Variants in DLGAP2 observed in about 807,000 individuals in gnomAD.
DLGAP2 encodes DLG associated protein 2, also known as disks large-associated protein 2.
Under a neutral mutation model 100.3 loss-of-function variants are expected in DLGAP2, and 26 were observed. That is an observed-to-expected ratio of 0.26 (90% confidence interval 0.19 to 0.36). The LOEUF (loss-of-function observed/expected upper bound fraction) is 0.36, where lower values mean the gene tolerates loss of function less well. DLGAP2 is among the 10% of genes least tolerant of loss of function. The pLI, the probability that DLGAP2 is intolerant of heterozygous loss-of-function variation, is 1.00. For missense variants in DLGAP2, 1,858 were observed against 1,453.2 expected (o/e 1.28, Z -4.53); for synonymous variants, 886 against 630.1 (o/e 1.41, Z -6.08).
Position 1,579,085 on chromosome 8 carries a change from A to T in DLGAP2, c.1442+13191A>T, listed in dbSNP as rs147461178. ...AATAACTAATTCAATTCTGATTGTG[A>T]TGAAAGGTAGACCAAATAATTTCAT... On this transcript the variant is annotated intron_variant, in intron 6 of 14. Transcript: ENST00000637795. Among the ~76,000 whole-genome samples the T allele has an allele frequency of 5.8e-3, 881 of 152,352 alleles. 10 individuals are homozygous for T. Among genetic ancestry groups the T allele is most frequent in the African/African-American group, 0.02 (834 of 41,582 alleles).
At chr8:1,067,311 A>G (rs947092926) in intron 2 of DLGAP2, among the ~76,000 whole-genome samples, 1 of 152,196 alleles carries the variant, frequency 6.6e-6, no homozygotes, top group Non-Finnish European at 1.5e-5. Flanking sequence ...CTACCCTCCT[A>G]GCGCTTTTGC....
intron 3 of DLGAP2, among the ~76,000 whole-genome samples, chr8:1,386,141 G>T (rs2129788026): frequency 6.6e-6 from 1 of 152,342 alleles, no homozygotes; most frequent in Admixed American, 6.5e-5. Flanking sequence ...GTAAAAAGAT[G>T]AGATGCTCAC....
At chr8:1,102,735 A>G (rs1175004614) in intron 2 of DLGAP2, among the ~76,000 whole-genome samples, 1 of 152,054 alleles carries the variant, frequency 6.6e-6, no homozygotes, top group African/African-American at 2.4e-5. Flanking sequence ...TGCACTCAGG[A>G]GCCTGGTGTC....
intron 3 of DLGAP2, among the ~76,000 whole-genome samples, chr8:1,497,464 A>G (rs775860920): frequency 1.3e-5 from 2 of 152,262 alleles, no homozygotes; most frequent in Non-Finnish European, 2.9e-5. Flanking sequence ...TTCCTAGGCC[A>G]GGCGGCCCAT....
At chr8:1,316,909 C>T (rs1465661325) in intron 3 of DLGAP2, among the ~76,000 whole-genome samples, 4 of 121,262 alleles carry the variant, frequency 3.3e-5, no homozygotes, top group East Asian at 2.4e-4. Flanking sequence ...TGTGCGAGTG[C>T]AGCGTCTCTC....
intron 1 of DLGAP2, among the ~76,000 whole-genome samples, chr8:748,894 T>G (rs1440987163): frequency 6.6e-6 from 1 of 152,266 alleles, no homozygotes; most frequent in African/African-American, 2.4e-5. Context: ...ACAACTTTTA[T>G]TATATTTGTT....
At chr8:1,094,195 T>C (rs1378862984) in intron 2 of DLGAP2, among the ~76,000 whole-genome samples, 1 of 152,174 alleles carries the variant, frequency 6.6e-6, no homozygotes, top group Non-Finnish European at 1.5e-5. Context: ...GGCAGGGAAC[T>C]GGGACTGGCT....
At chr8:1,058,417 A>C (rs995776131) in intron 2 of DLGAP2, among the ~76,000 whole-genome samples, 4 of 152,206 alleles carry the variant, frequency 2.6e-5, no homozygotes, top group Admixed American at 2.6e-4. Flanking sequence ...TATGGGTTCA[A>C]AGTTTTGCAT....
At chr8:1,488,398 C>A (rs1383519708) in intron 3 of DLGAP2, among the ~76,000 whole-genome samples, 9 of 152,098 alleles carry the variant, frequency 5.9e-5, no homozygotes, top group African/African-American at 1.7e-4. Context: ...GATTTTGATG[C>A]CAGAAAAGGA....
chr8:1,700,818 G>A (rs1199496130), intron 14 of DLGAP2, among the ~76,000 whole-genome samples: 1 of 152,342 alleles, frequency 6.6e-6, no homozygotes, highest in Admixed American at 6.5e-5. Flanking sequence ...CAAAACCCTC[G>A]CGATGCTCGG....
At chr8:1,293,854 C>A (rs1369892305) in intron 3 of DLGAP2, among the ~76,000 whole-genome samples, 3 of 152,140 alleles carry the variant, frequency 2.0e-5, no homozygotes, top group East Asian at 1.9e-4. Flanking sequence ...TCTTATTGAG[C>A]AATATATTTA....
intron 2 of DLGAP2, among the ~76,000 whole-genome samples, chr8:1,178,493 C>T (rs7842417): frequency 0.23 from 34,377 of 152,084 alleles, 4,066 homozygotes; most frequent in Middle Eastern, 0.36. Context: ...AACAGCTGAA[C>T]ATAAATATCA....
intron 2 of DLGAP2, among the ~76,000 whole-genome samples, chr8:1,178,101 A>C (rs57340108): frequency 0.035 from 5,381 of 152,264 alleles, 132 homozygotes; most frequent in East Asian, 0.15. Flanking sequence ...GTGGTGTCAG[A>C]GTCATTACCC....
In DLGAP2 at chr8:1,639,002, T is replaced by C. The variant is rs74824715; in HGVS notation, c.1810+5956T>C. On this transcript the variant is annotated intron_variant, in intron 8 of 14. Coordinates refer to ENST00000637795, the MANE Select transcript of DLGAP2 (RefSeq NM_001346810.2). The stretch of plus-strand genomic sequence containing the variant: ...AGTACAACCGGGGAGCCGGGATGGA[T>C]TGGGATGAAGTGCCCAACAGCCCTC... Among the ~76,000 whole-genome samples, 47 of 152,218 alleles carry C rather than the reference T, an allele frequency of 3.1e-4. 1 individual carries two copies. In the East Asian group the frequency reaches 7.4e-3, roughly 24 times the overall value.
intron 2 of DLGAP2, among the ~76,000 whole-genome samples, chr8:1,056,673 T>G (rs995078468): frequency 6.6e-6 from 1 of 152,248 alleles, no homozygotes; most frequent in Non-Finnish European, 1.5e-5. Context: ...AGCACTGTGC[T>G]GCTGTCAGCA....
chr8:828,111 C>G (rs1296658289), intron 1 of DLGAP2, among the ~76,000 whole-genome samples: 1 of 152,108 alleles, frequency 6.6e-6, no homozygotes, highest in Non-Finnish European at 1.5e-5. Flanking sequence ...GATCACAGGA[C>G]CACAGGACCG....
intron 1 of DLGAP2, among the ~76,000 whole-genome samples, chr8:785,051 C>G (rs534006248): frequency 6.6e-6 from 1 of 151,512 alleles, no homozygotes; most frequent in Non-Finnish European, 1.5e-5. Flanking sequence ...ACTAAAAATA[C>G]AAAACAATAC....
chr8:1,487,971 C>G (rs1799272707), intron 3 of DLGAP2, among the ~76,000 whole-genome samples: 1 of 152,230 alleles, frequency 6.6e-6, no homozygotes, highest in Non-Finnish European at 1.5e-5. Flanking sequence ...GAGGTGAAAT[C>G]ATACCTGTGG....
chr8:1,191,611 A>G (rs985737176), intron 2 of DLGAP2, among the ~76,000 whole-genome samples: 4 of 152,110 alleles, frequency 2.6e-5, no homozygotes, highest in South Asian at 2.1e-4. Flanking sequence ...GGCAGCCACA[A>G]CGCGCCGTAT....
Sources: gnomAD v4.1 joint callset for allele counts (sites outside exome capture counted in the v4.1 genomes callset) on GRCh38, gnomAD v4.1.1 for gene constraint, MANE v1.5 for transcripts, NCBI Gene and HGNC (gene_info 2026-07-23, HGNC 2026-07-21) for gene names.